Variants in POC1B observed in about 807,000 individuals in gnomAD.
The protein encoded by POC1B is POC1 centriolar protein B.
A neutral mutation model predicts 60.6 loss-of-function variants in POC1B; 44 were observed. That is an observed-to-expected ratio of 0.73 (90% CI 0.57 to 0.93). The LOEUF (loss-of-function observed/expected upper bound fraction) is 0.93. Among genes scored for constraint, POC1B ranks in the 40% least tolerant of loss-of-function variants. The pLI, the probability that POC1B is intolerant of heterozygous loss-of-function variation, is 0.00. For missense variants in POC1B, 555 were observed against 572.3 expected, an observed-to-expected ratio of 0.97 and a Z score of 0.31; for synonymous variants, 180 against 198.9, an observed-to-expected ratio of 0.90 and a Z score of 0.80.
intron 4 of POC1B, among the ~76,000 whole-genome samples, chr12:89,484,600 G>A (rs1293342059): frequency 6.6e-6 from 1 of 152,198 alleles, no homozygotes; most frequent in Non-Finnish European, 1.5e-5. Flanking sequence ...ACCTTATAAG[G>A]AAGGCACTTC....
At chr12:89,493,499 T>A (rs967390969) in intron 3 of POC1B, among the ~76,000 whole-genome samples, 2 of 152,224 alleles carry the variant, frequency 1.3e-5, no homozygotes, top group Non-Finnish European at 2.9e-5. Flanking sequence ...TCACCTGACA[T>A]ATGATATTAC....
intron 10 of POC1B, among the ~76,000 whole-genome samples, chr12:89,438,079 T>G (rs1464075077): frequency 2.0e-5 from 3 of 150,962 alleles, no homozygotes; most frequent in Non-Finnish European, 4.4e-5. Flanking sequence ...AAAAAATCTA[T>G]TATAGCTTAC....
At chr12:89,421,842 T>C (rs1299931824) in intron 11 of POC1B, among the ~76,000 whole-genome samples, 2 of 152,210 alleles carry the variant, frequency 1.3e-5, no homozygotes, top group Non-Finnish European at 2.9e-5. Context: ...TGTAAAATGC[T>C]TACGCTAGTG....
rs534696848 is a variant in POC1B at position 89,450,237 on chromosome 12, T to C, written c.1113+9401A>G. 2.6e-5 allele frequency among the ~76,000 whole-genome samples: 4 copies of C among 152,166 alleles called. No homozygotes were observed. The East Asian group carries it at 7.7e-4, about 29-fold the overall frequency. ...CTTTTTTTTTTTTTGAGATGGAGTC[T>C]TGCACTGTCGCCTGGGCTGGAGTGC... is the stretch of plus-strand genomic sequence containing the variant. On this transcript the variant is annotated intron_variant, in intron 10 of 11. Coordinates refer to ENST00000313546, the MANE Select transcript of POC1B (RefSeq NM_172240.3).
intron 10 of POC1B, among the ~76,000 whole-genome samples, chr12:89,454,356 C>A (rs1882170700): frequency 6.6e-6 from 1 of 152,200 alleles, no homozygotes; most frequent in African/African-American, 2.4e-5. Flanking sequence ...TGCTACCTCC[C>A]TGGGTCAAGC....
At chr12:89,507,266 CA>C (rs34750133) in intron 2 of POC1B, among the ~76,000 whole-genome samples, 13,313 of 63,628 alleles carry the variant, frequency 0.21, 576 homozygotes, top group South Asian at 0.37. Flanking sequence ...GGCCCTGTCT[CA>C]AAAAAAAAAA....
At chr12:89,505,271 T>C (rs766922960) in intron 2 of POC1B, among the ~76,000 whole-genome samples, 47 of 152,218 alleles carry the variant, frequency 3.1e-4, no homozygotes, top group Non-Finnish European at 2.4e-4. Flanking sequence ...TTTTGAAATA[T>C]CTATTGAAGC....
intron 9 of POC1B, among the ~76,000 whole-genome samples, chr12:89,462,452 T>TC (rs1387336511): frequency 6.6e-6 from 1 of 151,952 alleles, no homozygotes; most frequent in Non-Finnish European, 1.5e-5. Context: ...CCATCCCACA[T>TC]CCCCCATTGA....
At chr12:89,446,758 T>C (rs2120749124) in intron 10 of POC1B, among the ~76,000 whole-genome samples, 1 of 150,284 alleles carries the variant, frequency 6.7e-6, no homozygotes, top group Middle Eastern at 3.5e-3. Flanking sequence ...TAAAAACCTA[T>C]AGGAAAGATT....
intron 4 of POC1B, among the ~76,000 whole-genome samples, chr12:89,474,620 G>A (rs1337459223): frequency 6.6e-6 from 1 of 152,216 alleles, no homozygotes; most frequent in Non-Finnish European, 1.5e-5. Context: ...TAAAGGATAA[G>A]TAACTGCCAG....
At chr12:89,522,603 A>G (rs1280190113) in intron 2 of POC1B, 1 of 464,950 alleles carries the variant, frequency 2.2e-6, no homozygotes. Flanking sequence ...AAAACAACCA[A>G]TAAGTAAGGC....
intron 11 of POC1B, among the ~76,000 whole-genome samples, chr12:89,422,942 AT>A (rs1215869544): frequency 6.6e-6 from 1 of 152,208 alleles, no homozygotes; most frequent in Admixed American, 6.5e-5. Context: ...CTAATGAAAA[AT>A]AATGGTGATG....
At chr12:89,452,284 G>A (rs2120772697) in intron 10 of POC1B, among the ~76,000 whole-genome samples, 1 of 152,240 alleles carries the variant, frequency 6.6e-6, no homozygotes, top group Middle Eastern at 3.4e-3. Context: ...CAAGTTGGAA[G>A]GCAGAAATAA....
At chr12:89,525,739 G>A in intron 1 of POC1B, 142 bp downstream of exon 1, 1 of 1,288,398 alleles carries the variant, frequency 7.8e-7, no homozygotes, top group Non-Finnish European at 1.0e-6. Context: ...AGATACGGAC[G>A]CCCCGGGACG....
At chr12:89,413,857 C>T in the POC1B span, among the ~76,000 whole-genome samples, 2 of 151,680 alleles carry the variant, frequency 1.3e-5, no homozygotes, top group African/African-American at 4.8e-5. Context: ...TGTTGCATTT[C>T]TGCCAATTAT....
At chr12:89,430,161 T>C (rs948348932) in intron 10 of POC1B, among the ~76,000 whole-genome samples, 21 of 152,202 alleles carry the variant, frequency 1.4e-4, no homozygotes, top group African/African-American at 5.1e-4. Context: ...TCCTTATCTA[T>C]ATAGGTCAAA....
Position 89,421,081 on chromosome 12 carries a change from T to C in POC1B, c.*72A>G, listed in dbSNP as rs1339781995. 5.1e-6 allele frequency: 6 copies of C among 1,176,478 alleles called. No homozygotes were observed. The South Asian group carries it at 5.6e-5, about 11-fold the overall frequency. The allele number at this position is 1,176,478 out of a possible 1,614,324, so 72.9% of individuals were successfully genotyped here. ...TTGTGTTGTATGGAGTATCTTGTAC[T>C]ACCTTCCTGAGTGTATGTACATTTG... On this transcript the variant is annotated 3_prime_UTR_variant, in exon 12 of 12. Transcript: ENST00000313546.
chr12:89,480,210 T>C (rs1449170648), intron 4 of POC1B, among the ~76,000 whole-genome samples: 1 of 152,000 alleles, frequency 6.6e-6, no homozygotes, highest in Non-Finnish European at 1.5e-5. Flanking sequence ...CGTCTCAACT[T>C]ACCGCAGCAT....
At chr12:89,410,494 C>T in the POC1B span, among the ~76,000 whole-genome samples, 1 of 152,078 alleles carries the variant, frequency 6.6e-6, no homozygotes, top group African/African-American at 2.4e-5. Context: ...TCCTGGCTAA[C>T]ACGGTGAAAC....
Sources: gnomAD v4.1 joint callset for allele counts (sites outside exome capture counted in the v4.1 genomes callset) on GRCh38, gnomAD v4.1.1 for gene constraint, MANE v1.5 for transcripts, NCBI Gene and HGNC (gene_info 2026-07-23, HGNC 2026-07-21) for gene names.